P2RY12: variants seen among roughly 807,000 people sequenced by gnomAD.
The protein encoded by P2RY12 is P2Y purinoceptor 12.
A neutral mutation model predicts 4.5 loss-of-function variants in P2RY12; 3 were observed. The ratio of observed to expected loss-of-function variants is 0.67; its 90% CI spans 0.31 to 1.74. The LOEUF (loss-of-function observed/expected upper bound fraction) is 1.74, where lower values mean the gene tolerates loss of function less well. Among genes scored for constraint, P2RY12 ranks in the 40% most tolerant of loss-of-function variants. P2RY12 has a pLI of 0.09. For synonymous variants in P2RY12, 148 were observed against 154.1 expected, an observed-to-expected ratio of 0.96 and a Z score of 0.29; for missense variants, 356 against 407.8, an observed-to-expected ratio of 0.87 and a Z score of 1.09.
At chr3:151,374,044 C>G (rs567916583) in intron 1 of P2RY12, among the ~76,000 whole-genome samples, 1 of 152,188 alleles carries the variant, frequency 6.6e-6, no homozygotes, top group South Asian at 2.1e-4. Flanking sequence ...CAATCCAACC[C>G]CACAAAGTTG....
At chr3:151,382,288 C>T (rs892069401) in intron 1 of P2RY12, among the ~76,000 whole-genome samples, 3 of 152,132 alleles carry the variant, frequency 2.0e-5, no homozygotes, top group Admixed American at 6.6e-5. Context: ...AGAAATATAA[C>T]AGGACTGAGG....
intron 2 of P2RY12, 99 bp downstream of exon 2, chr3:151,340,494 GTTA>G (rs1751673554): frequency 6.6e-6 from 1 of 152,474 alleles, no homozygotes; most frequent in South Asian, 2.1e-4. Flanking sequence ...TGCATTGATA[GTTA>G]TTAAGGTTTA....
rs538538752 is a variant in P2RY12 at position 151,354,415 on chromosome 3, A to G, written c.-179-13655T>C. On this transcript the variant is annotated intron_variant, in intron 1 of 2. Coordinates refer to ENST00000302632, the MANE Select transcript of P2RY12 (RefSeq NM_022788.5). ...CATGTCACTTCTTCATTAATGTGGA[A>G]TGATTTAATTTTTTGCCACTATTAA... is the stretch of plus-strand genomic sequence containing the variant. Among the ~76,000 whole-genome samples the G allele has an allele frequency of 1.3e-3, 205 of 152,212 alleles. 2 individuals carry two copies. The highest frequency in any genetic ancestry group is 4.7e-3 in the African/African-American group (197 of 41,528).
intron 1 of P2RY12, among the ~76,000 whole-genome samples, chr3:151,348,532 T>C (rs982114421): frequency 5.3e-5 from 8 of 151,952 alleles, no homozygotes; most frequent in African/African-American, 1.9e-4. Flanking sequence ...ACTCAGGATA[T>C]TAAATAAGAA....
intron 1 of P2RY12, chr3:151,365,245 A>T (rs542349801): frequency 6.6e-7 from 1 of 1,526,524 alleles, no homozygotes; most frequent in South Asian, 1.1e-5. Flanking sequence ...TTAACCAAAG[A>T]GTTGTTGCCT....
intron 1 of P2RY12, among the ~76,000 whole-genome samples, chr3:151,369,946 C>T (rs1755976717): frequency 6.6e-6 from 1 of 152,084 alleles, no homozygotes; most frequent in Admixed American, 6.5e-5. Flanking sequence ...GAGCAGAACA[C>T]CAGAAAATCT....
At chr3:151,346,845 C>T (rs1283872697) in intron 1 of P2RY12, among the ~76,000 whole-genome samples, 2 of 152,084 alleles carry the variant, frequency 1.3e-5, no homozygotes. Context: ...TGGACATTTA[C>T]ACATTTCTAC....
intron 1 of P2RY12, chr3:151,365,199 G>C: frequency 1.9e-6 from 3 of 1,613,356 alleles, no homozygotes; most frequent in East Asian, 2.2e-5. Flanking sequence ...CCATCAGGAT[G>C]CTGGCAGGTG....
intron 2 of P2RY12, 86 bp from the exon 3 acceptor site, chr3:151,338,945 G>A (rs1751423287): frequency 8.5e-7 from 1 of 1,183,148 alleles, no homozygotes; most frequent in African/African-American, 1.5e-5. Context: ...TTTGGACACA[G>A]CCTCCTCTAA....
chr3:151,354,381 T>A (rs1753665801), intron 1 of P2RY12, among the ~76,000 whole-genome samples: 2 of 152,154 alleles, frequency 1.3e-5, no homozygotes, highest in South Asian at 4.1e-4. Flanking sequence ...TTTATGCTAA[T>A]TTGATAAACA....
intron 1 of P2RY12, chr3:151,350,052 T>G (rs930888307): frequency 1.2e-6 from 2 of 1,606,814 alleles, no homozygotes; most frequent in Non-Finnish European, 1.7e-6. Context: ...CATTTTCTGT[T>G]TTTCAGGATG....
intron 1 of P2RY12, among the ~76,000 whole-genome samples, chr3:151,349,799 T>G (rs1478608475): frequency 1.3e-5 from 2 of 152,144 alleles, no homozygotes; most frequent in Non-Finnish European, 2.9e-5. Flanking sequence ...AAACTTACTT[T>G]GTAGGGTACG....
rs748046032 is a variant in P2RY12 at position 151,355,980 on chromosome 3, A to G, written c.-179-15220T>C. The G allele has an allele frequency of 6.8e-6, 11 of 1,613,800 alleles. No individual in the cohort carries two copies. Among genetic ancestry groups the G allele is most frequent in the Middle Eastern group, 3.3e-4 (2 of 6,080 alleles). On this transcript the variant is annotated intron_variant, in intron 1 of 2. Transcript: ENST00000302632. ...CCCTTTGGCTCACCACATTCAGCTC[A>G]TCTTTGATCTCATGGAGCCAGCACT...
intron 1 of P2RY12, among the ~76,000 whole-genome samples, chr3:151,374,471 C>T (rs985473327): frequency 1.3e-5 from 2 of 152,184 alleles, no homozygotes; most frequent in Admixed American, 1.3e-4. Context: ...TCGCTTGAAA[C>T]TGGGAGGCGG....
Position 151,338,875 on chromosome 3 carries a change from G to T in P2RY12, c.-14-16C>A. 6.2e-7 allele frequency: 1 copy of T among 1,606,430 alleles called. No homozygotes were observed. Among genetic ancestry groups the T allele is most frequent in the Middle Eastern group, 1.7e-4 (1 of 6,044 alleles). On this transcript the variant is annotated splice_polypyrimidine_tract_variant and intron_variant, in intron 2 of 2. Transcript: ENST00000302632. ...TGTTGGTTACCTAGAGAACAAAAGA[G>T]AGGATGGTTATTTTCAGCCTAAGGT... is the stretch of plus-strand genomic sequence containing the variant.
chr3:151,383,725 G>C (rs1398887802), intron 1 of P2RY12: 1 of 1,112,816 alleles, frequency 9.0e-7, no homozygotes, highest in African/African-American at 1.6e-5. Flanking sequence ...AAAGCAATGG[G>C]GTGTTCTTTC....
At chr3:151,347,670 G>C (rs1752696784) in intron 1 of P2RY12, among the ~76,000 whole-genome samples, 1 of 152,166 alleles carries the variant, frequency 6.6e-6, no homozygotes, top group Non-Finnish European at 1.5e-5. Context: ...GAGTAAGGCA[G>C]TTCGGTGTGG....
intron 2 of P2RY12, among the ~76,000 whole-genome samples, chr3:151,340,059 C>T (rs979494368): frequency 1.3e-5 from 2 of 152,052 alleles, no homozygotes; most frequent in African/African-American, 2.4e-5. Context: ...GGAAGGAAAA[C>T]GATTAAGAAT....
chr3:151,365,876 C>G (rs762882607), intron 1 of P2RY12: 1 of 1,611,610 alleles, frequency 6.2e-7, no homozygotes, highest in South Asian at 1.1e-5. Flanking sequence ...AATTTCTCCT[C>G]TGAGCTTACG....
Sources: gnomAD v4.1 joint callset for allele counts (sites outside exome capture counted in the v4.1 genomes callset) on GRCh38, gnomAD v4.1.1 for gene constraint, MANE v1.5 for transcripts, NCBI Gene and HGNC (gene_info 2026-07-23, HGNC 2026-07-21) for gene names.